The following SDHAF3 variants were observed in gnomAD, a reference collection of about 807,000 sequenced individuals.
SDHAF3 encodes the protein succinate dehydrogenase assembly factor 3, mitochondrial.
Under a neutral mutation model 11.5 loss-of-function variants are expected in SDHAF3, and 18 were observed. The ratio of observed to expected loss-of-function variants is 1.56; its 90% CI spans 1.08 to 2.32. The LOEUF is 2.32. Among genes scored for constraint, SDHAF3 ranks in the 30% most tolerant of loss-of-function variants. The pLI is 0.00. For synonymous variants in SDHAF3, 72 were observed against 59.3 expected (o/e 1.21, Z -0.99); for missense variants, 200 against 154.4 (o/e 1.30, Z -1.57).
Position 97,181,346 on chromosome 7 carries a change from A to G in SDHAF3, c.*131A>G, listed in dbSNP as rs1789771794. The G allele has an allele frequency of 1.5e-5, 10 of 673,056 alleles. No individual in the cohort carries two copies. Among genetic ancestry groups the G allele is most frequent in the Non-Finnish European group, 2.0e-5 (8 of 404,946 alleles). 41.7% of individuals were successfully genotyped at this position (673,056 alleles called of 1,614,324 possible). On this transcript the variant is annotated 3_prime_UTR_variant, in exon 2 of 2. Coordinates refer to ENST00000432641, the MANE Select transcript of SDHAF3 (RefSeq NM_020186.3). ...GAAATACTCTTTTATTTTGGATATT[A>G]TGATTGCAGTATATGGATCAAGATC...
chr7:97,143,074 ATT>A (rs912057448), intron 1 of SDHAF3, among the ~76,000 whole-genome samples: 1 of 151,084 alleles, frequency 6.6e-6, no homozygotes, highest in Non-Finnish European at 1.5e-5. Context: ...GAATTTTTGT[ATT>A]TTTAGTAGGA....
intron 1 of SDHAF3, among the ~76,000 whole-genome samples, chr7:97,148,132 G>C (rs182016496): frequency 6.6e-6 from 1 of 152,132 alleles, no homozygotes; most frequent in African/African-American, 2.4e-5. Flanking sequence ...GACCCCAAGT[G>C]ATCCACCTCA....
At chr7:97,118,224 G>A (rs1490130462) in intron 1 of SDHAF3, among the ~76,000 whole-genome samples, 2 of 152,114 alleles carry the variant, frequency 1.3e-5, no homozygotes, top group African/African-American at 4.8e-5. Context: ...CCTTTTAAGT[G>A]CCTTTGCACC....
chr7:97,141,159 T>G (rs1486854843), intron 1 of SDHAF3, among the ~76,000 whole-genome samples: 1 of 149,818 alleles, frequency 6.7e-6, no homozygotes, highest in Non-Finnish European at 1.5e-5. Context: ...TAAATTTTGG[T>G]CAGACCGGTT....
At chr7:97,153,374 C>T (rs1448995594) in intron 1 of SDHAF3, among the ~76,000 whole-genome samples, 2 of 152,172 alleles carry the variant, frequency 1.3e-5, no homozygotes, top group African/African-American at 2.4e-5. Context: ...TGTGTCTTTT[C>T]ATGGCTTGAT....
At chr7:97,173,326 C>T (rs1789633165) in intron 1 of SDHAF3, among the ~76,000 whole-genome samples, 1 of 152,096 alleles carries the variant, frequency 6.6e-6, no homozygotes, top group Non-Finnish European at 1.5e-5. Context: ...TTAGAGAAAT[C>T]TCAACCATAT....
chr7:97,127,454 G>A (rs1226525330), intron 1 of SDHAF3, among the ~76,000 whole-genome samples: 1 of 151,994 alleles, frequency 6.6e-6, no homozygotes, highest in East Asian at 1.9e-4. Flanking sequence ...CAGACTTCAG[G>A]TAGCCATTCC....
chr7:97,159,395 T>C (rs1789362128), intron 1 of SDHAF3, among the ~76,000 whole-genome samples: 1 of 152,208 alleles, frequency 6.6e-6, no homozygotes, highest in South Asian at 2.1e-4. Flanking sequence ...CACCAGACTT[T>C]CCTCCCAAGT....
chr7:97,130,935 A>G (rs1791661500), intron 1 of SDHAF3, among the ~76,000 whole-genome samples: 1 of 152,194 alleles, frequency 6.6e-6, no homozygotes, highest in South Asian at 2.1e-4. Context: ...GCAGGGAGGA[A>G]GTTCTCTATC....
chr7:97,160,318 G>A (rs142954030), intron 1 of SDHAF3, among the ~76,000 whole-genome samples: 1,779 of 148,434 alleles, frequency 0.012, 23 homozygotes, highest in African/African-American at 0.041. Flanking sequence ...AGTGAGGAGC[G>A]CCTCTGCCCA....
chr7:97,141,278 G>A (rs150309373), intron 1 of SDHAF3, among the ~76,000 whole-genome samples: 7 of 152,160 alleles, frequency 4.6e-5, no homozygotes, highest in South Asian at 2.1e-4. Flanking sequence ...CTGTGATCTC[G>A]CCCTGCCTCC....
intron 1 of SDHAF3, among the ~76,000 whole-genome samples, chr7:97,147,795 T>C (rs1471920048): frequency 6.6e-6 from 1 of 152,246 alleles, no homozygotes; most frequent in Non-Finnish European, 1.5e-5. Flanking sequence ...TGTACATTCC[T>C]CTCAAAGACT....
chr7:97,158,571 G>A (rs942087820), intron 1 of SDHAF3, among the ~76,000 whole-genome samples: 22 of 152,084 alleles, frequency 1.4e-4, no homozygotes, highest in Non-Finnish European at 2.8e-4. Flanking sequence ...TGATCTACCC[G>A]CCTCAGCCTC....
chr7:97,156,973 TC>T (rs1789311395), intron 1 of SDHAF3, among the ~76,000 whole-genome samples: 2 of 152,128 alleles, frequency 1.3e-5, no homozygotes, highest in South Asian at 4.2e-4. Flanking sequence ...CCTCCCCCAG[TC>T]CCCCAGCCCC....
intron 1 of SDHAF3, among the ~76,000 whole-genome samples, chr7:97,125,837 A>G (rs541465822): frequency 3.3e-5 from 5 of 152,322 alleles, no homozygotes; most frequent in East Asian, 3.9e-4. Context: ...ACTTCTGTCA[A>G]TTCATCAAAC....
rs11410661 is a variant in SDHAF3, at chr7:97,130,270, T to TAA, written c.174+12389_174+12390dup. Among the ~76,000 whole-genome samples the TAA allele has an allele frequency of 3.3e-3, 400 of 122,716 alleles. 1 individual carries two copies. The highest frequency in any genetic ancestry group is 9.9e-3 in the African/African-American group (326 of 32,920). 80.5% of individuals were successfully genotyped at this position (122,716 alleles called of 152,430 possible). Reference sequence around the variant, plus strand: ...CTCGGTGACGGAGTGATACCCAGTCTAAAAAAAAAAAAAAAAACCTTGATG... The same window carrying TAA: ...CTCGGTGACGGAGTGATACCCAGTCTAAAAAAAAAAAAAAAAAAACCTTGATG... On this transcript the variant is annotated intron_variant, in intron 1 of 1. Coordinates refer to ENST00000432641, the MANE Select transcript of SDHAF3 (RefSeq NM_020186.3).
At chr7:97,137,120 C>G (rs1788933471) in intron 1 of SDHAF3, among the ~76,000 whole-genome samples, 1 of 152,002 alleles carries the variant, frequency 6.6e-6, no homozygotes, top group African/African-American at 2.4e-5. Context: ...CGAACTAAAG[C>G]TGAGAACATT....
chr7:97,124,665 A>G (rs906197083), intron 1 of SDHAF3, among the ~76,000 whole-genome samples: 11 of 152,008 alleles, frequency 7.2e-5, no homozygotes, highest in African/African-American at 2.7e-4. Context: ...GTCCTCTCTT[A>G]CTTCTTTGAG....
intron 1 of SDHAF3, among the ~76,000 whole-genome samples, chr7:97,147,336 G>T (rs1006231573): frequency 6.6e-6 from 1 of 152,122 alleles, no homozygotes; most frequent in African/African-American, 2.4e-5. Context: ...ATAATTCATT[G>T]TTTCTTCTTT....
Sources: gnomAD v4.1 joint callset for allele counts (sites outside exome capture counted in the v4.1 genomes callset) on GRCh38, gnomAD v4.1.1 for gene constraint, MANE v1.5 for transcripts, NCBI Gene and HGNC (gene_info 2026-07-23, HGNC 2026-07-21) for gene names.